The following NDUFAF6 variants were observed in gnomAD, a reference collection of about 807,000 sequenced individuals.
NDUFAF6 encodes the protein NADH dehydrogenase (ubiquinone) complex I, assembly factor 6.
In NDUFAF6, 45 loss-of-function variants were observed where a neutral mutation model predicts 40.8. That is an observed-to-expected ratio of 1.10 (90% CI 0.87 to 1.42). NDUFAF6 has a LOEUF of 1.42. NDUFAF6 is among the 40% of genes most tolerant of loss of function. The pLI, the probability that NDUFAF6 is intolerant of heterozygous loss-of-function variation, is 0.00. For missense variants in NDUFAF6, 435 were observed against 418.5 expected (o/e 1.04, Z -0.34); for synonymous variants, 185 against 155.9 (o/e 1.19, Z -1.39).
rs57749627 is a variant in NDUFAF6, at chr8:94,904,320, C to CTTTT, written c.-936+8427_-936+8430dup. 7.6e-4 allele frequency among the ~76,000 whole-genome samples: 26 copies of CTTTT among 34,138 alleles called. 4 individuals carry two copies. Among genetic ancestry groups the CTTTT allele is most frequent in the African/African-American group, 3.0e-3 (20 of 6,580 alleles). The allele number at this position is 34,138 out of a possible 152,430, so 22.4% of individuals were successfully genotyped here. A position where few individuals can be genotyped will look rare whatever the true frequency, so the allele number is the denominator to read the frequency against. The stretch of plus-strand genomic sequence containing the variant: ...CATCACACCTGGCTAATTTTTTTTG[C>CTTTT]TTTTTTTTTTTTTTTTTTTTTTTTT... On this transcript the variant is annotated intron_variant, in intron 1 of 14. Transcript: ENST00000396113.
intron 2 of NDUFAF6, among the ~76,000 whole-genome samples, chr8:94,986,009 G>A (rs530468193): frequency 4.5e-4 from 69 of 151,916 alleles, no homozygotes; most frequent in Non-Finnish European, 4.3e-4. Flanking sequence ...AAGTAGCTGG[G>A]ACTACAGGCG....
intron 1 of NDUFAF6, among the ~76,000 whole-genome samples, chr8:94,924,698 C>T (rs1458189331): frequency 1.3e-5 from 2 of 152,166 alleles, no homozygotes; most frequent in Admixed American, 6.5e-5. Flanking sequence ...ACAGTCTTCT[C>T]AGCAGCAGCC....
In NDUFAF6 at chr8:94,932,832, C is replaced by A. The variant is rs111503898; in HGVS notation, c.-935-12651C>A. 7.3e-3 allele frequency among the ~76,000 whole-genome samples: 1,113 copies of A among 152,002 alleles called. 6 individuals carry two copies. Among genetic ancestry groups the A allele is most frequent in the African/African-American group, 0.026 (1,059 of 41,464 alleles). ...ATAAAAAAAAAAGAATTTCAAATCCCAAAATAAGGATGTTAAAAAAATTAT... is the reference window on the plus strand; with the variant it reads ...ATAAAAAAAAAAGAATTTCAAATCCAAAAATAAGGATGTTAAAAAAATTAT... On this transcript the variant is annotated intron_variant, in intron 1 of 14. Transcript: ENST00000396113.
chr8:95,031,044 T>A (rs763488997), intron 1 of NDUFAF6, among the ~76,000 whole-genome samples: 1 of 152,202 alleles, frequency 6.6e-6, no homozygotes, highest in Non-Finnish European at 1.5e-5. Flanking sequence ...TCATGAGGGA[T>A]CCACCCCTGT....
In NDUFAF6 at chr8:95,035,395, T is replaced by C; in HGVS notation, c.298-59T>C. On this transcript the variant is annotated intron_variant, in intron 2 of 8. Transcript: ENST00000396124. ...TTAACTCAAAAAATTCCCTCAAAGA[T>C]ACTGATTTTTTAGACAGTAGACAAT... 3 of 1,581,804 alleles carry C rather than the reference T, an allele frequency of 1.9e-6. No homozygotes were observed. In the Admixed American group the frequency reaches 5.0e-5, roughly 27 times the overall value.
At chr8:95,090,914 T>A (rs1382350186) in intron 2 of NDUFAF6, among the ~76,000 whole-genome samples, 1 of 152,192 alleles carries the variant, frequency 6.6e-6, no homozygotes, top group Non-Finnish European at 1.5e-5. Context: ...TCCAAGTTCT[T>A]CAGTTTTGAG....
At chr8:95,075,466 C>T (rs1424390313) in intron 9 of NDUFAF6, among the ~76,000 whole-genome samples, 1 of 152,070 alleles carries the variant, frequency 6.6e-6, no homozygotes, top group Non-Finnish European at 1.5e-5. Flanking sequence ...TCTCTGATGC[C>T]CCCAAACAGA....
At chr8:94,927,577 T>G (rs1820004253) in intron 1 of NDUFAF6, 1 of 152,160 alleles carries the variant, frequency 6.6e-6, no homozygotes, top group African/African-American at 2.4e-5. Flanking sequence ...CAATCAACCA[T>G]ATAAATGCAT....
chr8:95,079,607 A>G (rs1031145183), downstream of NDUFAF6, among the ~76,000 whole-genome samples: 5 of 152,204 alleles, frequency 3.3e-5, no homozygotes, highest in African/African-American at 9.6e-5. Context: ...TGGATGAGAG[A>G]AGGAGGAAAT....
intron 2 of NDUFAF6, among the ~76,000 whole-genome samples, chr8:94,998,551 A>G (rs1447434751): frequency 2.6e-5 from 4 of 152,328 alleles, no homozygotes; most frequent in East Asian, 1.9e-4. Context: ...GTAATTATTT[A>G]GCAGTCATGT....
chr8:94,954,933 A>G (rs931491934), upstream of NDUFAF6, among the ~76,000 whole-genome samples: 1 of 152,248 alleles, frequency 6.6e-6, no homozygotes, highest in Non-Finnish European at 1.5e-5. Flanking sequence ...CAGGTCTCAC[A>G]GAATGGGCCT....
At chr8:94,907,150 C>A (rs760296267) in intron 1 of NDUFAF6, among the ~76,000 whole-genome samples, 2 of 151,438 alleles carry the variant, frequency 1.3e-5, no homozygotes, top group Non-Finnish European at 2.9e-5. Flanking sequence ...TTCTCTCCTG[C>A]GGTTACTCTA....
chr8:95,033,369 C>A lies in NDUFAF6; in HGVS notation c.297+1275C>A, dbSNP rs986516209. 5.9e-5 allele frequency among the ~76,000 whole-genome samples: 9 copies of A among 152,156 alleles called. No homozygotes were observed. The East Asian group carries it at 7.7e-4, about 13-fold the overall frequency. ...AATACAATTTTATTTTTAATAAACC[C>A]CCAGAGTTCCTTCTGAATTCTGTCA... On this transcript the variant is annotated intron_variant, in intron 2 of 8. Coordinates refer to ENST00000396124, the MANE Select transcript of NDUFAF6 (RefSeq NM_152416.4).
chr8:94,964,395 C>T (rs1169489646), intron 1 of NDUFAF6, among the ~76,000 whole-genome samples: 3 of 148,648 alleles, frequency 2.0e-5, no homozygotes, highest in Non-Finnish European at 3.0e-5. Context: ...TTCCACTGCA[C>T]TCCAGCCTGG....
intron 9 of NDUFAF6, chr8:95,068,261 G>T (rs1337506132): frequency 1.3e-5 from 2 of 151,942 alleles, no homozygotes; most frequent in Non-Finnish European, 2.9e-5. Context: ...ATAATGTCCA[G>T]GGTTTTAGTT....
chr8:94,994,305 C>T (rs1826322428), intron 2 of NDUFAF6, among the ~76,000 whole-genome samples: 2 of 152,102 alleles, frequency 1.3e-5, no homozygotes, highest in African/African-American at 4.8e-5. Flanking sequence ...AATCCCAGCA[C>T]TTTGGGAGGC....
At chr8:95,025,604 A>G (rs529795991) in intron 1 of NDUFAF6, among the ~76,000 whole-genome samples, 1 of 152,202 alleles carries the variant, frequency 6.6e-6, no homozygotes, top group Non-Finnish European at 1.5e-5. Flanking sequence ...AGTCTTCATT[A>G]CAAGTTGCGA....
rs185487407 is a variant in NDUFAF6, at chr8:95,007,096, G to A, written c.-83-24899G>A. Among the ~76,000 whole-genome samples the A allele has an allele frequency of 2.5e-3, 379 of 151,456 alleles. 4 individuals carry two copies. Among genetic ancestry groups the A allele is most frequent in the African/African-American group, 8.7e-3 (361 of 41,272 alleles). On this transcript the variant is annotated intron_variant, in intron 2 of 9. Transcript: ENST00000396111. Reference sequence around the variant, plus strand: ...GGTTTCTTATACTATAGTTCCTTTGGCTTATACAAAAACGCTCCTGCTACC... The same window carrying A: ...GGTTTCTTATACTATAGTTCCTTTGACTTATACAAAAACGCTCCTGCTACC...
downstream of NDUFAF6, among the ~76,000 whole-genome samples, chr8:95,061,542 A>G (rs1235028200): frequency 6.6e-6 from 1 of 152,094 alleles, no homozygotes; most frequent in Non-Finnish European, 1.5e-5. Flanking sequence ...TAATTTTGAC[A>G]CTTCATTTTA....
Sources: gnomAD v4.1 joint callset for allele counts (sites outside exome capture counted in the v4.1 genomes callset) on GRCh38, gnomAD v4.1.1 for gene constraint, MANE v1.5 for transcripts, NCBI Gene and HGNC (gene_info 2026-07-23, HGNC 2026-07-21) for gene names.